Variants in CYP2C8 observed in about 807,000 individuals in gnomAD.
CYP2C8 encodes the protein cytochrome P450 2C8.
A neutral mutation model predicts 41.3 loss-of-function variants in CYP2C8; 51 were observed. The ratio of observed to expected loss-of-function variants is 1.24; its 90% CI spans 0.99 to 1.56. The LOEUF (loss-of-function observed/expected upper bound fraction) is 1.56, where lower values mean the gene tolerates loss of function less well. CYP2C8 is among the 40% of genes most tolerant of loss of function. The pLI is 0.00. For missense variants in CYP2C8, 651 were observed against 579.9 expected, an observed-to-expected ratio of 1.12 and a Z score of -1.26; for synonymous variants, 218 against 205.8, an observed-to-expected ratio of 1.06 and a Z score of -0.51.
At chr10:95,042,156 G>C (rs184495046) in intron 7 of CYP2C8, among the ~76,000 whole-genome samples, 4 of 152,186 alleles carry the variant, frequency 2.6e-5, no homozygotes, top group Admixed American at 2.0e-4. Flanking sequence ...CACCAATTCT[G>C]TTCAATGCTA....
intron 5 of CYP2C8, among the ~76,000 whole-genome samples, chr10:95,054,639 C>T (rs2033278080): frequency 1.3e-5 from 2 of 151,926 alleles, no homozygotes; most frequent in Admixed American, 6.6e-5. Flanking sequence ...TAAGATAACA[C>T]AATTATATAT....
At chr10:95,060,908 G>T (rs2033414289) in intron 4 of CYP2C8, among the ~76,000 whole-genome samples, 1 of 152,154 alleles carries the variant, frequency 6.6e-6, no homozygotes, top group Non-Finnish European at 1.5e-5. Flanking sequence ...TAATCATGTG[G>T]TTTTTGTCTT....
intron 6 of CYP2C8, 48 bp from the exon 7 acceptor site, chr10:95,043,125 A>T (rs767411624): frequency 6.4e-7 from 1 of 1,567,914 alleles, no homozygotes; most frequent in Admixed American, 1.7e-5. Context: ...TATATGGAAC[A>T]TTTGTCATAG....
In CYP2C8 at chr10:95,064,818, C is replaced by A; in HGVS notation, c.624G>T (p.Leu208=). ...GCCTTACCTGGATCCATGGGGAGTT[C>A]AGAATCCTGAAGTTTTCATTGAATC... ...MKRFNENFRI[L]NSPWIQVCNN... is the part of the protein sequence containing the mutation. The change falls in exon 4 of 9, where the codon CTG becomes CTT. Residue 208 remains leucine (L), a synonymous_variant. Coordinates refer to ENST00000371270, the MANE Select transcript of CYP2C8 (RefSeq NM_000770.3). The A allele has an allele frequency of 3.1e-6, 5 of 1,613,954 alleles. No individual in the cohort carries two copies. The South Asian group carries it at 5.5e-5, about 18-fold the overall frequency.
chr10:95,067,136 A>C, intron 3 of CYP2C8, 72 bp downstream of exon 3: 1 of 1,609,674 alleles, frequency 6.2e-7, no homozygotes, highest in Non-Finnish European at 8.5e-7. Context: ...CCACCCCTGA[A>C]ATGTTTCCAA....
At chr10:95,049,393 C>G (rs900656972) in intron 5 of CYP2C8, among the ~76,000 whole-genome samples, 1 of 152,168 alleles carries the variant, frequency 6.6e-6, no homozygotes, top group African/African-American at 2.4e-5. Context: ...CTGACATCCT[C>G]TCTTCCCCTG....
chr10:95,066,784 A>C (rs1054776409), intron 3 of CYP2C8, among the ~76,000 whole-genome samples: 1 of 152,214 alleles, frequency 6.6e-6, no homozygotes. Context: ...AACTTGGTTC[A>C]TATTTCATGA....
chr10:95,065,022 T>G, intron 3 of CYP2C8, 62 bp from the exon 4 acceptor site: 1 of 1,301,368 alleles, frequency 7.7e-7, no homozygotes. Context: ...GATTTGCATT[T>G]GTTAAGACAT....
At chr10:95,053,714 A>G (rs1427721765) in intron 5 of CYP2C8, among the ~76,000 whole-genome samples, 1 of 151,916 alleles carries the variant, frequency 6.6e-6, no homozygotes, top group Non-Finnish European at 1.5e-5. Flanking sequence ...GAGTTGAACA[A>G]TGAGAACACA....
chr10:95,056,247 A>C (rs2033312935), intron 5 of CYP2C8, among the ~76,000 whole-genome samples: 2 of 152,186 alleles, frequency 1.3e-5, no homozygotes, highest in Admixed American at 1.3e-4. Flanking sequence ...AAAACAGAAA[A>C]TTACAAATAT....
intron 6 of CYP2C8, among the ~76,000 whole-genome samples, chr10:95,045,335 T>A (rs994672185): frequency 3.3e-5 from 5 of 152,188 alleles, no homozygotes; most frequent in Non-Finnish European, 7.4e-5. Flanking sequence ...AACTTTTAGA[T>A]TACTTCCCAG....
intron 4 of CYP2C8, among the ~76,000 whole-genome samples, chr10:95,062,867 G>T (rs1489002884): frequency 6.6e-6 from 1 of 152,148 alleles, no homozygotes; most frequent in Non-Finnish European, 1.5e-5. Context: ...TTGCTTGTAT[G>T]TAAAGGATTT....
At chr10:95,048,565 T>A (rs2033153027) in intron 5 of CYP2C8, among the ~76,000 whole-genome samples, 1 of 152,186 alleles carries the variant, frequency 6.6e-6, no homozygotes. Flanking sequence ...CTCAAGACCT[T>A]CCGATTAGCT....
chr10:95,056,948 C>T (rs2033325783), intron 5 of CYP2C8, among the ~76,000 whole-genome samples: 1 of 152,160 alleles, frequency 6.6e-6, no homozygotes, highest in Admixed American at 6.5e-5. Context: ...GGCAGTGGTA[C>T]AGCTCTGCGA....
intron 3 of CYP2C8, among the ~76,000 whole-genome samples, chr10:95,065,567 T>C (rs1036969808): frequency 3.3e-5 from 5 of 152,200 alleles, no homozygotes; most frequent in Non-Finnish European, 7.4e-5. Flanking sequence ...ATTTCAAATC[T>C]AAATCCCAGT....
At chr10:95,069,073 A>T (rs1211723055) in intron 1 of CYP2C8, 162 bp downstream of exon 1, 3 of 880,036 alleles carry the variant, frequency 3.4e-6, no homozygotes, top group Non-Finnish European at 5.3e-6. Context: ...AAAAAAAAAA[A>T]AAATAGGAAG....
At chr10:95,066,149 AGAGAGTGTGT>A (rs1283116747) in intron 3 of CYP2C8, among the ~76,000 whole-genome samples, 334 of 116,376 alleles carry the variant, frequency 2.9e-3, no homozygotes, top group Middle Eastern at 7.9e-3. Flanking sequence ...AGAGAGAGAG[AGAGAGTGTGT>A]GTGTGTGTGT....
chr10:95,069,355 G>A lies in CYP2C8; in HGVS notation c.48C>T (p.Leu16=). 7 of 1,614,112 alleles carry A rather than the reference G, an allele frequency of 4.3e-6. No homozygotes were observed. The South Asian group carries it at 6.6e-5, about 15-fold the overall frequency. Residue 16 remains leucine, a synonymous_variant, in exon 1 of 9, where the codon CTC becomes CTT. Coordinates refer to ENST00000371270, the MANE Select transcript of CYP2C8 (RefSeq NM_000770.3). ...VLVLCLSFML[L]FSLWRQSCRR... The stretch of plus-strand genomic sequence containing the variant: ...TACAGCTCTGTCTCCAGAGTGAAAA[G>A]AGAAGCATAAAAGAGAGACACAGCA...
At chr10:95,055,815 T>A (rs2033305060) in intron 5 of CYP2C8, among the ~76,000 whole-genome samples, 1 of 151,984 alleles carries the variant, frequency 6.6e-6, no homozygotes, top group South Asian at 2.1e-4. Context: ...AAGGGCCAGG[T>A]GTGGTGCCTC....
Sources: gnomAD v4.1 joint callset for allele counts (sites outside exome capture counted in the v4.1 genomes callset) on GRCh38, gnomAD v4.1.1 for gene constraint, MANE v1.5 for transcripts, NCBI Gene and HGNC (gene_info 2026-07-23, HGNC 2026-07-21) for gene names.